Variants in CMSS1 observed in about 807,000 individuals in gnomAD.
CMSS1 encodes cms1 ribosomal small subunit homolog.
Under a neutral mutation model 43.5 loss-of-function variants are expected in CMSS1, and 33 were observed. That is an observed-to-expected ratio of 0.76 (90% CI 0.57 to 1.01). The LOEUF (loss-of-function observed/expected upper bound fraction) is 1.01. Among genes scored for constraint, CMSS1 ranks in the 50% least tolerant of loss-of-function variants. CMSS1 has a pLI of 0.00. For missense variants in CMSS1, 313 were observed against 326.4 expected (o/e 0.96, Z 0.32); for synonymous variants, 115 against 117.2 (o/e 0.98, Z 0.12).
chr3:99,846,951 T>C (rs1018295085), intron 1 of CMSS1, among the ~76,000 whole-genome samples: 1 of 152,218 alleles, frequency 6.6e-6, no homozygotes, highest in African/African-American at 2.4e-5. Context: ...ACTTGTAATT[T>C]AAATGTTCCC....
At chr3:100,029,067 A>G (rs1011366082) in intron 1 of CMSS1, among the ~76,000 whole-genome samples, 38 of 152,118 alleles carry the variant, frequency 2.5e-4, no homozygotes, top group Non-Finnish European at 4.1e-4. Flanking sequence ...GTGCATGCCT[A>G]TTGTCCCAAG....
At chr3:100,138,890 C>T (rs1247321105) in intron 1 of CMSS1, among the ~76,000 whole-genome samples, 2 of 152,124 alleles carry the variant, frequency 1.3e-5, no homozygotes, top group Non-Finnish European at 2.9e-5. Flanking sequence ...GACACATGCA[C>T]GCGTATGTTT....
chr3:99,861,673 A>G (rs1944262715), intron 1 of CMSS1, among the ~76,000 whole-genome samples: 1 of 152,162 alleles, frequency 6.6e-6, no homozygotes, highest in Non-Finnish European at 1.5e-5. Context: ...CCAGCAAGAG[A>G]TTGCAGTAAA....
chr3:100,051,887 A>G (rs1287263514), intron 1 of CMSS1, among the ~76,000 whole-genome samples: 4 of 148,496 alleles, frequency 2.7e-5, no homozygotes, highest in East Asian at 1.9e-4. Flanking sequence ...AATATATTTT[A>G]TATGTCATAT....
At chr3:100,014,811 T>TG (rs1176765532) in intron 1 of CMSS1, among the ~76,000 whole-genome samples, 1 of 150,674 alleles carries the variant, frequency 6.6e-6, no homozygotes, top group African/African-American at 2.4e-5. Flanking sequence ...CTATTGATTT[T>TG]TTTTTTTTTT....
rs777794060 is a variant in CMSS1 at position 99,910,457 on chromosome 3, C to T, written c.64+92414C>T. On this transcript the variant is annotated intron_variant, in intron 1 of 9. Transcript: ENST00000421999. ...TCATTTCTTTAATAAATCTTCCTAT[C>T]ACTGAGAGCTTTTAAAGTAAACAAA... Among the ~76,000 whole-genome samples, 22 of 136,126 alleles carry T rather than the reference C, an allele frequency of 1.6e-4. 4 individuals are homozygous for T. Among genetic ancestry groups the T allele is most frequent in the Non-Finnish European group, 3.2e-4 (19 of 59,562 alleles). The allele number at this position is 136,126 out of a possible 152,430, so 89.3% of individuals were successfully genotyped here.
chr3:99,983,416 A>ATATATATG (rs1553702725), intron 1 of CMSS1, among the ~76,000 whole-genome samples: 2 of 96,960 alleles, frequency 2.1e-5, no homozygotes, highest in African/African-American at 8.7e-5. Flanking sequence ...ATATATATAT[A>ATATATATG]TATGTATGTA....
At chr3:100,080,134 A>C (rs1004238362) in intron 1 of CMSS1, among the ~76,000 whole-genome samples, 2 of 152,078 alleles carry the variant, frequency 1.3e-5, no homozygotes, top group Admixed American at 6.5e-5. Context: ...TTCTTTAATT[A>C]ATAAAAAATT....
intron 1 of CMSS1, among the ~76,000 whole-genome samples, chr3:99,832,652 G>T (rs1315973099): frequency 6.8e-6 from 1 of 147,386 alleles, no homozygotes; most frequent in African/African-American, 2.5e-5. Context: ...AGACCAGCCT[G>T]GCCAACACGG....
intron 1 of CMSS1, among the ~76,000 whole-genome samples, chr3:99,926,844 G>C (rs1186551551): frequency 6.6e-6 from 1 of 152,134 alleles, no homozygotes; most frequent in Non-Finnish European, 1.5e-5. Context: ...TGTTTGAAGG[G>C]AATGGAAAGA....
At chr3:99,876,171 T>A (rs902856426) in intron 1 of CMSS1, 1 of 985,370 alleles carries the variant, frequency 1.0e-6, no homozygotes, top group African/African-American at 1.7e-5. Context: ...GCCCGAACAA[T>A]GCGAGCGGGG....
chr3:99,829,418 G>C (rs1942602673), intron 1 of CMSS1, among the ~76,000 whole-genome samples: 1 of 152,210 alleles, frequency 6.6e-6, no homozygotes, highest in Non-Finnish European at 1.5e-5. Flanking sequence ...CCAGGGGACT[G>C]TGTCTACCCT....
At chr3:99,976,288 G>A (rs377138196) in intron 1 of CMSS1, among the ~76,000 whole-genome samples, 3 of 152,292 alleles carry the variant, frequency 2.0e-5, no homozygotes, top group African/African-American at 7.2e-5. Context: ...TGGCCCATAT[G>A]CTACGCGTTC....
chr3:99,870,985 C>T (rs1201574524), intron 1 of CMSS1, among the ~76,000 whole-genome samples: 1 of 152,148 alleles, frequency 6.6e-6, no homozygotes, highest in African/African-American at 2.4e-5. Flanking sequence ...GGTGACTCAC[C>T]TGATACTCCT....
chr3:100,089,055 A>C (rs892814754), intron 1 of CMSS1, among the ~76,000 whole-genome samples: 4 of 152,206 alleles, frequency 2.6e-5, no homozygotes, highest in African/African-American at 9.6e-5. Context: ...TCTGTAAGGC[A>C]CCAGTATTAG....
chr3:100,168,529 A>G (rs2067083372), intron 6 of CMSS1, among the ~76,000 whole-genome samples: 1 of 152,176 alleles, frequency 6.6e-6, no homozygotes, highest in Non-Finnish European at 1.5e-5. Context: ...CCCCATCTCC[A>G]TTATAAAAAG....
chr3:99,930,822 G>A (rs1388192089), intron 1 of CMSS1: 2 of 1,612,698 alleles, frequency 1.2e-6, no homozygotes, highest in South Asian at 2.2e-5. Context: ...TCTCTTGAGA[G>A]GTCTTCTGCT....
At chr3:100,157,289 A>G (rs1308795157) in intron 2 of CMSS1, among the ~76,000 whole-genome samples, 2 of 151,652 alleles carry the variant, frequency 1.3e-5, no homozygotes, top group Non-Finnish European at 1.5e-5. Context: ...TTCTTGTTTC[A>G]TGGTTGCAAA....
rs979895352 is a variant in CMSS1 at position 100,181,145 on chromosome 3, A to T, written c.*2757A>T. ...CACCTCCCACCAGATCCCTCCCCCA[A>T]CACTGGGAATTACAATTCGACATGA... On this transcript the variant is annotated 3_prime_UTR_variant, in exon 10 of 10. Transcript: ENST00000421999. 1 of 152,258 alleles carries T rather than the reference A, an allele frequency of 6.6e-6. No homozygotes were observed. Among genetic ancestry groups the T allele is most frequent in the Non-Finnish European group, 1.5e-5 (1 of 68,048 alleles). The allele number at this position is 152,258 out of a possible 1,614,324, so 9.4% of individuals were successfully genotyped here.
Sources: gnomAD v4.1 joint callset for allele counts (sites outside exome capture counted in the v4.1 genomes callset) on GRCh38, gnomAD v4.1.1 for gene constraint, MANE v1.5 for transcripts, NCBI Gene and HGNC (gene_info 2026-07-23, HGNC 2026-07-21) for gene names.